Variants in BEND5 observed in about 807,000 individuals in gnomAD.
The protein encoded by BEND5 is BEN domain containing 5.
A neutral mutation model predicts 43.9 loss-of-function variants in BEND5; 22 were observed. That is an observed-to-expected ratio of 0.50 (90% CI 0.36 to 0.72). BEND5 has a LOEUF of 0.72. Ranked by LOEUF, BEND5 falls within the 30% of genes least tolerant of loss-of-function variation. BEND5 has a pLI of 0.00. For missense variants in BEND5, 428 were observed against 550.6 expected (o/e 0.78, Z 2.23); for synonymous variants, 228 against 225.9 (o/e 1.01, Z -0.08).
chr1:48,758,643 A>G (rs1179333923), intron 3 of BEND5, among the ~76,000 whole-genome samples: 1 of 152,202 alleles, frequency 6.6e-6, no homozygotes, highest in Non-Finnish European at 1.5e-5. Flanking sequence ...GAGCAGTGAC[A>G]AATATTTTGT....
At chr1:48,737,677 C>A (rs4926749) in intron 4 of BEND5, among the ~76,000 whole-genome samples, 78,409 of 152,014 alleles carry the variant, frequency 0.52, 23,914 homozygotes, top group Non-Finnish European at 0.71. Flanking sequence ...AATGTTCCAG[C>A]AATAAGCTAT....
intron 3 of BEND5, among the ~76,000 whole-genome samples, chr1:48,755,972 C>A (rs1335556303): frequency 9.8e-5 from 15 of 152,312 alleles, no homozygotes; most frequent in Non-Finnish European, 1.5e-5. Context: ...TGCCCAAGGT[C>A]ATATAGCCAA....
rs1459849563 is a variant in BEND5 at position 48,776,787 on chromosome 1, C to T, written c.45G>A (p.Ala15=). ...VRFLEDNVCY[A]LPVSCVRDFS... is the part of the protein sequence containing the mutation. ...AGTCGCGCACGCACGACACGGGCAGCGCGTAGCAGACGTTGTCCTCCAGGA... is the reference window on the plus strand; with the variant it reads ...AGTCGCGCACGCACGACACGGGCAGTGCGTAGCAGACGTTGTCCTCCAGGA... The change falls in exon 1 of 6, where the codon GCG becomes GCA. Residue 15 remains alanine, a synonymous_variant. Transcript: ENST00000371833. 6.6e-7 allele frequency: 1 copy of T among 1,525,300 alleles called. No individual in the cohort carries two copies. Among genetic ancestry groups the T allele is most frequent in the East Asian group, 2.7e-5 (1 of 37,520 alleles). The allele number at this position is 1,525,300 out of a possible 1,614,324, so 94.5% of individuals were successfully genotyped here. A position where few individuals can be genotyped will look rare whatever the true frequency, so the allele number is the denominator to read the frequency against.
intron 5 of BEND5, among the ~76,000 whole-genome samples, chr1:48,735,333 C>A (rs1234203751): frequency 6.6e-6 from 1 of 152,002 alleles, no homozygotes; most frequent in South Asian, 2.1e-4. Flanking sequence ...GTGTCTTACC[C>A]CTCTTTGTGT....
At chr1:48,768,712 T>G (rs1030966246) in intron 1 of BEND5, among the ~76,000 whole-genome samples, 1 of 152,218 alleles carries the variant, frequency 6.6e-6, no homozygotes, top group African/African-American at 2.4e-5. Context: ...TGGTATGAGT[T>G]TGTTAGCCAG....
intron 4 of BEND5, among the ~76,000 whole-genome samples, chr1:48,737,065 C>T (rs547701044): frequency 4.6e-5 from 7 of 152,206 alleles, no homozygotes; most frequent in East Asian, 3.9e-4. Flanking sequence ...GGGCGGATCA[C>T]GAGATCAGGA....
At chr1:48,739,194 C>T (rs1649528667) in intron 4 of BEND5, among the ~76,000 whole-genome samples, 1 of 152,258 alleles carries the variant, frequency 6.6e-6, no homozygotes, top group Non-Finnish European at 1.5e-5. Context: ...ACCAGGAAAA[C>T]AGCCACCGAC....
At position 48,776,781 on chromosome 1, in the gene BEND5, G is replaced by A; in HGVS notation, c.51C>T (p.Pro17=). ...GGCTGAAGTCGCGCACGCACGACACGGGCAGCGCGTAGCAGACGTTGTCCT... is the reference window on the plus strand; with the variant it reads ...GGCTGAAGTCGCGCACGCACGACACAGGCAGCGCGTAGCAGACGTTGTCCT... ...FLEDNVCYAL[P]VSCVRDFSPR... is the part of the protein sequence containing the mutation. Residue 17 remains proline (P), a synonymous_variant, in exon 1 of 6, where the codon CCC becomes CCT. Transcript: ENST00000371833. 6.6e-7 allele frequency: 1 copy of A among 1,524,032 alleles called. No homozygotes were observed. The highest frequency in any genetic ancestry group is 1.2e-5 in the South Asian group (1 of 81,116). The allele number at this position is 1,524,032 out of a possible 1,614,324, so 94.4% of individuals were successfully genotyped here. A position where few individuals can be genotyped will look rare whatever the true frequency, so the allele number is the denominator to read the frequency against.
chr1:48,748,439 G>A lies in BEND5; in HGVS notation c.746-5668C>T, dbSNP rs538227299. Among the ~76,000 whole-genome samples the A allele has an allele frequency of 7.2e-5, 11 of 152,342 alleles. No individual in the cohort carries two copies. In the South Asian group the frequency reaches 2.3e-3, roughly 32 times the overall value. On this transcript the variant is annotated intron_variant, in intron 3 of 5. Transcript: ENST00000371833. ...GCTTCACTGTCCAGCAGTGGAAAGA[G>A]ACAGGCAGCAGACTACCACCAGCCA...
At chr1:48,746,454 C>T (rs1390176048) in intron 3 of BEND5, among the ~76,000 whole-genome samples, 1 of 152,212 alleles carries the variant, frequency 6.6e-6, no homozygotes, top group African/African-American at 2.4e-5. Context: ...TCAAGGCTCA[C>T]GAAGGTGTCC....
intron 3 of BEND5, among the ~76,000 whole-genome samples, chr1:48,749,768 GTTC>G (rs1309345193): frequency 6.6e-6 from 1 of 152,200 alleles, no homozygotes; most frequent in East Asian, 1.9e-4. Flanking sequence ...TTCATCTGTG[GTTC>G]TTCTACTTCT....
At position 48,736,429 on chromosome 1, in the gene BEND5, C is replaced by A; in HGVS notation, c.918G>T (p.Trp306Cys). 1.9e-6 allele frequency: 3 copies of A among 1,614,140 alleles called. No individual in the cohort carries two copies. Among genetic ancestry groups the A allele is most frequent in the Non-Finnish European group, 2.5e-6 (3 of 1,180,022 alleles). ...NGKVHLGSGI[W>C]VDEEKWHQLQ... ...GCTGGTGCCATTTCTCCTCATCAACCCAAATCCCGCTTCCCAGATGGACCT... is the reference window on the plus strand; with the variant it reads ...GCTGGTGCCATTTCTCCTCATCAACACAAATCCCGCTTCCCAGATGGACCT... The change falls in exon 5 of 6, where the codon TGG (tryptophan) becomes TGT (cysteine). Residue 306 changes from tryptophan (W) to cysteine (C), a missense_variant. Trp to Cys is a radical substitution (Grantham distance 215, BLOSUM62 -2). This residue lies in a region of BEND5 where 75 missense variants were observed against 148.5 expected (regional missense o/e 0.50). Coordinates refer to ENST00000371833, the MANE Select transcript of BEND5 (RefSeq NM_024603.4). This position sits in a 1 kb window ranked among gnomAD's most constrained non-coding sequence, Gnocchi z 4.0.
intron 4 of BEND5, among the ~76,000 whole-genome samples, chr1:48,742,079 T>C (rs1044466435): frequency 5.3e-5 from 8 of 152,242 alleles, no homozygotes; most frequent in African/African-American, 1.9e-4. Flanking sequence ...CCTAGGACTG[T>C]GCGCTAACCA....
intron 1 of BEND5, among the ~76,000 whole-genome samples, chr1:48,768,593 C>T (rs938646860): frequency 6.6e-6 from 1 of 152,068 alleles, no homozygotes; most frequent in Non-Finnish European, 1.5e-5. Context: ...TGAATTTACC[C>T]ATGAAGAATT....
rs905324420 is a variant in BEND5, at chr1:48,776,653, T to TCGCGGGGGGCG, written c.168_178dup (p.Asp60AlafsTer30). ...CTTGTGGAGCAACAGCGCGCCCCAG[T>TCGCGGGGGGCG]CGCGGGGGGCGCGCGGGGGGCTCTC... On this transcript the variant is annotated frameshift_variant, in exon 1 of 6. Transcript: ENST00000371833. LOFTEE classifies it high-confidence loss of function. 10 of 1,488,062 alleles carry TCGCGGGGGGCG rather than the reference T, an allele frequency of 6.7e-6. No homozygotes were observed. The highest frequency in any genetic ancestry group is 3.0e-5 in the African/African-American group (2 of 67,294). The allele number at this position is 1,488,062 out of a possible 1,614,324, so 92.2% of individuals were successfully genotyped here. A position where few individuals can be genotyped will look rare whatever the true frequency, so the allele number is the denominator to read the frequency against.
At chr1:48,766,313 T>A (rs1023976890) in intron 1 of BEND5, among the ~76,000 whole-genome samples, 8 of 152,178 alleles carry the variant, frequency 5.3e-5, no homozygotes, top group African/African-American at 1.9e-4. Context: ...GTGCTATAGA[T>A]CTATGTGCCT....
chr1:48,763,062 T>C (rs1204065890), intron 1 of BEND5, among the ~76,000 whole-genome samples: 3 of 151,880 alleles, frequency 2.0e-5, no homozygotes, highest in East Asian at 1.9e-4. Context: ...CTGAATCATT[T>C]TCTTCTCTTA....
At chr1:48,749,923 G>C (rs1651407700) in intron 3 of BEND5, among the ~76,000 whole-genome samples, 1 of 152,216 alleles carries the variant, frequency 6.6e-6, no homozygotes, top group Non-Finnish European at 1.5e-5. Context: ...GGGGGCTAAG[G>C]AGTTGTGGTG....
chr1:48,735,130 AAGAG>A (rs1346086387), intron 5 of BEND5, among the ~76,000 whole-genome samples: 1 of 152,254 alleles, frequency 6.6e-6, no homozygotes, highest in African/African-American at 2.4e-5. Flanking sequence ...TGTTTTTTAA[AAGAG>A]AACCATTTAA....
Sources: gnomAD v4.1 joint callset for allele counts (sites outside exome capture counted in the v4.1 genomes callset) on GRCh38, gnomAD v4.1.1 for gene constraint, gnomAD v4.1.1 regional missense constraint, Gnocchi (gnomAD v3.1) non-coding constraint, MANE v1.5 for transcripts, NCBI Gene and HGNC (gene_info 2026-07-23, HGNC 2026-07-21) for gene names.